ARHGAP42: variants seen among roughly 807,000 people sequenced by gnomAD.
ARHGAP42 encodes the protein rho GTPase-activating protein 42.
ARHGAP42 carries 63 observed loss-of-function variants against 125.0 expected under a neutral mutation model. That is an observed-to-expected ratio of 0.50 (90% confidence interval 0.41 to 0.62). The LOEUF is 0.62. Among genes scored for constraint, ARHGAP42 ranks in the 20% least tolerant of loss-of-function variants. The pLI is 0.00. For synonymous variants in ARHGAP42, 339 were observed against 351.0 expected, an observed-to-expected ratio of 0.97 and a Z score of 0.38; for missense variants, 766 against 1,024.2, an observed-to-expected ratio of 0.75 and a Z score of 3.44.
chr11:100,687,749 G>T lies in ARHGAP42; in HGVS notation c.71G>T (p.Cys24Phe). Residue 24 changes from cysteine to phenylalanine, a missense_variant, in exon 1 of 24, where the codon TGT becomes TTT. Cys to Phe is a radical substitution (Grantham distance 205). Transcript: ENST00000298815. ...CCAGATTTCAGGGAGCGCTTGCAGT[G>T]TCACGAGATTGAGCTGGAGCGAACC... is the stretch of plus-strand genomic sequence containing the variant. ...DSPDFRERLQCHEIELERTNK... is the reference protein window; with the variant it reads ...DSPDFRERLQFHEIELERTNK... The T allele has an allele frequency of 6.4e-7, 1 of 1,550,862 alleles. No homozygotes were observed. The highest frequency in any genetic ancestry group is 8.7e-7 in the Non-Finnish European group (1 of 1,146,770).
At chr11:100,709,513 A>G (rs1049685167) in intron 1 of ARHGAP42, among the ~76,000 whole-genome samples, 1 of 152,126 alleles carries the variant, frequency 6.6e-6, no homozygotes, top group Non-Finnish European at 1.5e-5. Context: ...ATGGCATGTA[A>G]TTTAAAACTG....
chr11:100,781,372 G>A (rs984760845), intron 2 of ARHGAP42, among the ~76,000 whole-genome samples: 1 of 152,028 alleles, frequency 6.6e-6, no homozygotes, highest in South Asian at 2.1e-4. Flanking sequence ...TAGTATAGTG[G>A]AGTAGAAGGA....
At chr11:100,836,189 T>C (rs1266472849) in intron 3 of ARHGAP42, among the ~76,000 whole-genome samples, 2 of 152,114 alleles carry the variant, frequency 1.3e-5, no homozygotes, top group Non-Finnish European at 2.9e-5. Flanking sequence ...TAGTTATTAG[T>C]AGAGTTTAAT....
intron 3 of ARHGAP42, among the ~76,000 whole-genome samples, chr11:100,849,458 A>G (rs2135125128): frequency 6.6e-6 from 1 of 152,338 alleles, no homozygotes; most frequent in Non-Finnish European, 1.5e-5. Flanking sequence ...GAAAGTTTGA[A>G]AGAAAATCTT....
chr11:100,953,100 C>G (rs1347707302), intron 12 of ARHGAP42, among the ~76,000 whole-genome samples: 3 of 151,956 alleles, frequency 2.0e-5, no homozygotes, highest in South Asian at 4.1e-4. Context: ...GCGCTCTAAC[C>G]ATTTTTTTGT....
chr11:100,872,447 G>A (rs1210971042), intron 4 of ARHGAP42, among the ~76,000 whole-genome samples: 1 of 152,050 alleles, frequency 6.6e-6, no homozygotes, highest in Non-Finnish European at 1.5e-5. Flanking sequence ...CTAGGCTGGA[G>A]TGCAGTGGTG....
At chr11:100,958,072 A>G (rs1462381071) in intron 12 of ARHGAP42, among the ~76,000 whole-genome samples, 2 of 151,496 alleles carry the variant, frequency 1.3e-5, no homozygotes, top group Non-Finnish European at 1.5e-5. Context: ...GTTTTAGTTG[A>G]TATAAAAATG....
chr11:100,818,243 G>C (rs74631278), intron 3 of ARHGAP42, among the ~76,000 whole-genome samples: 109 of 151,876 alleles, frequency 7.2e-4, no homozygotes, highest in African/African-American at 2.6e-3. Flanking sequence ...ATCATCCACT[G>C]ACCCATTATT....
intron 1 of ARHGAP42, among the ~76,000 whole-genome samples, chr11:100,731,146 A>G (rs1861950027): frequency 6.6e-6 from 1 of 151,704 alleles, no homozygotes; most frequent in South Asian, 2.1e-4. Context: ...TATAACTTAG[A>G]TTTATATCAT....
chr11:100,750,808 A>G (rs181592715), intron 1 of ARHGAP42, among the ~76,000 whole-genome samples: 7 of 152,286 alleles, frequency 4.6e-5, no homozygotes, highest in African/African-American at 1.7e-4. Context: ...GTAGAAGGCA[A>G]AGTACTGAAC....
rs149022980 is a variant in ARHGAP42 at position 100,856,702 on chromosome 11, A to G, written c.313-2852A>G. On this transcript the variant is annotated intron_variant, in intron 3 of 23. Transcript: ENST00000298815. ...GTTATTAATCTGGATTTCAATTTCT[A>G]GCTTTGAATAACTACATTTTAAATC... is the stretch of plus-strand genomic sequence containing the variant. Among the ~76,000 whole-genome samples the G allele has an allele frequency of 3.2e-4, 49 of 152,220 alleles. 1 individual carries two copies. The East Asian group carries it at 8.9e-3, about 28-fold the overall frequency.
At chr11:100,966,491 T>A (rs1490576174) in intron 17 of ARHGAP42, among the ~76,000 whole-genome samples, 1 of 152,178 alleles carries the variant, frequency 6.6e-6, no homozygotes, top group Non-Finnish European at 1.5e-5. Context: ...ACAGAATTCC[T>A]TCTTACTCTG....
intron 3 of ARHGAP42, among the ~76,000 whole-genome samples, chr11:100,809,364 T>C (rs1864083038): frequency 6.6e-6 from 1 of 152,244 alleles, no homozygotes; most frequent in Admixed American, 6.5e-5. Flanking sequence ...TTGCATAGAC[T>C]TTCCTTTGAA....
chr11:100,875,133 G>C (rs1297294113), intron 4 of ARHGAP42, among the ~76,000 whole-genome samples: 1 of 121,358 alleles, frequency 8.2e-6, no homozygotes, highest in African/African-American at 3.1e-5. Flanking sequence ...GTGTGTGTGT[G>C]TGTGTGTGTG....
chr11:100,987,915 G>A (rs867937232), intron 23 of ARHGAP42, among the ~76,000 whole-genome samples: 10 of 152,130 alleles, frequency 6.6e-5, no homozygotes, highest in African/African-American at 9.7e-5. Context: ...GGATCATGAG[G>A]TCAAGAGATT....
At chr11:100,942,226 A>C (rs1867905405) in intron 9 of ARHGAP42, among the ~76,000 whole-genome samples, 2 of 152,266 alleles carry the variant, frequency 1.3e-5, no homozygotes, top group South Asian at 4.1e-4. Flanking sequence ...TGGCTGGAAC[A>C]GGCTCAAGGA....
At chr11:100,979,145 A>G (rs1591337181) in intron 22 of ARHGAP42, 96 bp downstream of exon 22, 1 of 1,203,642 alleles carries the variant, frequency 8.3e-7, no homozygotes, top group Non-Finnish European at 1.2e-6. Context: ...CCGCCTCTCC[A>G]TTATGCAGAT....
At chr11:100,916,402 T>C (rs1232689234) in intron 5 of ARHGAP42, among the ~76,000 whole-genome samples, 4 of 152,060 alleles carry the variant, frequency 2.6e-5, no homozygotes, top group South Asian at 2.1e-4. Context: ...ACAAGAAGCA[T>C]TGGAAAATCA....
chr11:100,836,294 T>A (rs1864784298), intron 3 of ARHGAP42, among the ~76,000 whole-genome samples: 1 of 152,132 alleles, frequency 6.6e-6, no homozygotes, highest in African/African-American at 2.4e-5. Context: ...ACCAAGGTAG[T>A]GTAAAGGGGT....
Sources: gnomAD v4.1 joint callset for allele counts (sites outside exome capture counted in the v4.1 genomes callset) on GRCh38, gnomAD v4.1.1 for gene constraint, MANE v1.5 for transcripts, NCBI Gene and HGNC (gene_info 2026-07-23, HGNC 2026-07-21) for gene names.